The following UHRF2 variants were observed in gnomAD, a reference collection of about 807,000 sequenced individuals.
UHRF2 encodes ubiquitin like with PHD and ring finger domains 2.
UHRF2 carries 23 observed loss-of-function variants against 96.8 expected under a neutral mutation model. The ratio of observed to expected loss-of-function variants is 0.24; its 90% confidence interval spans 0.17 to 0.34. The LOEUF (loss-of-function observed/expected upper bound fraction) is 0.34, where lower values mean the gene tolerates loss of function less well. Among genes scored for constraint, UHRF2 ranks in the 10% least tolerant of loss-of-function variants. The pLI, the probability that UHRF2 is intolerant of heterozygous loss-of-function variation, is 1.00. For missense variants in UHRF2, 685 were observed against 981.5 expected (o/e 0.70, Z 4.04); for synonymous variants, 385 against 332.6 (o/e 1.16, Z -1.72).
At chr9:6,466,445 C>G (rs992246901) in intron 4 of UHRF2, among the ~76,000 whole-genome samples, 4 of 148,550 alleles carry the variant, frequency 2.7e-5, no homozygotes, top group African/African-American at 5.0e-5. Flanking sequence ...GAGGCTGAGG[C>G]AGGAGAATCA....
chr9:6,477,720 A>G lies in UHRF2; in HGVS notation c.1072A>G (p.Met358Val). ...RVCGGKHEPNMQLLCDECNVA... is the reference protein window; with the variant it reads ...RVCGGKHEPNVQLLCDECNVA... ...ATGTGGTGGGAAACATGAACCCAAC[A>G]TGCAGCTTCTGTGTGATGAATGTAA... The change falls in exon 6 of 16, where the codon ATG becomes GTG. Residue 358 changes from methionine (M) to valine (V), a missense_variant. This residue lies in a region of UHRF2 where 391 missense variants were observed against 437.0 expected (regional missense o/e 0.89). Coordinates refer to ENST00000276893, the MANE Select transcript of UHRF2 (RefSeq NM_152896.3). 1.5e-5 allele frequency: 25 copies of G among 1,614,164 alleles called. No individual in the cohort carries two copies. Among genetic ancestry groups the G allele is most frequent in the Non-Finnish European group, 2.1e-5 (25 of 1,180,004 alleles).
intron 8 of UHRF2, among the ~76,000 whole-genome samples, chr9:6,483,564 C>T (rs1490179740): frequency 6.6e-6 from 1 of 152,154 alleles, no homozygotes; most frequent in Admixed American, 6.5e-5. Context: ...ATTTTTTACT[C>T]TCTCGACTTG....
At chr9:6,473,595 A>G (rs1000428416) in intron 4 of UHRF2, among the ~76,000 whole-genome samples, 1 of 152,212 alleles carries the variant, frequency 6.6e-6, no homozygotes, top group Admixed American at 6.5e-5. Flanking sequence ...CTATGAAATT[A>G]TCTTACCAAG....
chr9:6,415,956 C>G (rs185141281), intron 1 of UHRF2, among the ~76,000 whole-genome samples: 1 of 152,206 alleles, frequency 6.6e-6, no homozygotes, highest in Admixed American at 6.5e-5. Context: ...CACGCCAGAC[C>G]TACTGAAGCT....
chr9:6,477,622 G>A lies in UHRF2; in HGVS notation c.974G>A (p.Arg325Lys). The A allele has an allele frequency of 6.2e-7, 1 of 1,602,010 alleles. No individual in the cohort carries two copies. Among genetic ancestry groups the A allele is most frequent in the Non-Finnish European group, 8.5e-7 (1 of 1,173,722 alleles). Residue 325 changes from arginine (R) to lysine (K), a missense_variant and splice_region_variant, in exon 6 of 16, where the codon AGG becomes AAG. Transcript: ENST00000276893. ...CTTGCTATAATTTTGTTCTTAATAGGGCGAAATGACCCTGAATGTGACCTG... is the reference window on the plus strand; with the variant it reads ...CTTGCTATAATTTTGTTCTTAATAGAGCGAAATGACCCTGAATGTGACCTG... ...PLSFADGKFL[R>K]RNDPECDLCG...
intron 14 of UHRF2, chr9:6,504,327 T>C: frequency 4.6e-6 from 1 of 216,632 alleles, no homozygotes; most frequent in Non-Finnish European, 9.4e-6. Context: ...GCCCGGCCTC[T>C]AAATAGAAGA....
chr9:6,454,574 C>T (rs1235213805), intron 3 of UHRF2, among the ~76,000 whole-genome samples: 1 of 152,160 alleles, frequency 6.6e-6, no homozygotes, highest in Non-Finnish European at 1.5e-5. Flanking sequence ...CCCCCATCAC[C>T]TACGTAAGAT....
intron 3 of UHRF2, among the ~76,000 whole-genome samples, chr9:6,458,617 G>C (rs571654897): frequency 4.6e-5 from 7 of 152,086 alleles, no homozygotes; most frequent in African/African-American, 1.7e-4. Flanking sequence ...CTTTTATACT[G>C]TTGGTGGGAG....
intron 3 of UHRF2, among the ~76,000 whole-genome samples, chr9:6,437,562 G>A (rs1195644781): frequency 6.6e-6 from 1 of 152,110 alleles, no homozygotes; most frequent in African/African-American, 2.4e-5. Context: ...TAAGCTCCAA[G>A]TGAGTCGATA....
intron 9 of UHRF2, among the ~76,000 whole-genome samples, chr9:6,487,686 G>A (rs936342042): frequency 3.3e-5 from 5 of 152,250 alleles, no homozygotes; most frequent in African/African-American, 9.6e-5. Context: ...ATTTTTAGTA[G>A]AGCTGGGGTT....
chr9:6,469,736 GTA>G (rs35317708), intron 4 of UHRF2, among the ~76,000 whole-genome samples: 8 of 113,722 alleles, frequency 7.0e-5, no homozygotes, highest in African/African-American at 9.2e-5. Flanking sequence ...ATATATACGT[GTA>G]TATATATACA....
intron 1 of UHRF2, among the ~76,000 whole-genome samples, chr9:6,415,885 C>G (rs1343113078): frequency 2.0e-5 from 3 of 152,194 alleles, no homozygotes; most frequent in Admixed American, 2.0e-4. Context: ...TAGTCTCTTA[C>G]TATTCAAAGT....
chr9:6,479,371 T>C (rs2130903939), intron 6 of UHRF2, among the ~76,000 whole-genome samples: 1 of 152,226 alleles, frequency 6.6e-6, no homozygotes, highest in African/African-American at 2.4e-5. Flanking sequence ...TGAGATCAGG[T>C]AATCCCGATT....
chr9:6,457,459 C>A (rs1274770118), intron 3 of UHRF2, among the ~76,000 whole-genome samples: 7 of 152,086 alleles, frequency 4.6e-5, no homozygotes, highest in African/African-American at 1.7e-4. Context: ...CAAACAGGGA[C>A]AATTTGACCT....
At chr9:6,433,748 A>T (rs1266477186) in intron 2 of UHRF2, among the ~76,000 whole-genome samples, 166 bp from the exon 3 acceptor site, 1 of 152,266 alleles carries the variant, frequency 6.6e-6, no homozygotes, top group Non-Finnish European at 1.5e-5. Flanking sequence ...TTAAGATAGC[A>T]CAAATCAGAA....
chr9:6,458,510 T>C (rs1822320421), intron 3 of UHRF2, among the ~76,000 whole-genome samples: 1 of 151,970 alleles, frequency 6.6e-6, no homozygotes, highest in Admixed American at 6.6e-5. Context: ...TCTGCTCTCA[T>C]CTTAGTTATT....
chr9:6,448,113 A>G (rs1318090289), intron 3 of UHRF2, among the ~76,000 whole-genome samples: 2 of 152,196 alleles, frequency 1.3e-5, no homozygotes, highest in African/African-American at 2.4e-5. Flanking sequence ...AATCTGGACA[A>G]AGCAAGGTGT....
chr9:6,428,560 T>C (rs1265294794), intron 2 of UHRF2, among the ~76,000 whole-genome samples: 1 of 27,370 alleles, frequency 3.7e-5, no homozygotes, highest in Non-Finnish European at 8.1e-5. Context: ...TTTTTTTTTT[T>C]TTTTTTTTTT....
intron 4 of UHRF2, among the ~76,000 whole-genome samples, chr9:6,462,580 G>A (rs1175714279): frequency 6.6e-6 from 1 of 152,098 alleles, no homozygotes; most frequent in Non-Finnish European, 1.5e-5. Context: ...TACACAGTAG[G>A]ATAACAGCAC....
Sources: gnomAD v4.1 joint callset for allele counts (sites outside exome capture counted in the v4.1 genomes callset) on GRCh38, gnomAD v4.1.1 for gene constraint, gnomAD v4.1.1 regional missense constraint, MANE v1.5 for transcripts, NCBI Gene and HGNC (gene_info 2026-07-23, HGNC 2026-07-21) for gene names.